Variants in NCK2 observed in about 807,000 individuals in gnomAD.
NCK2 encodes NCK adaptor protein 2.
NCK2 carries 16 observed loss-of-function variants against 33.9 expected under a neutral mutation model. The ratio of observed to expected loss-of-function variants is 0.47; its 90% CI spans 0.32 to 0.72. NCK2 has a LOEUF of 0.72. Ranked by LOEUF, NCK2 falls within the 30% of genes least tolerant of loss-of-function variation. The pLI, the probability that NCK2 is intolerant of heterozygous loss-of-function variation, is 0.03. For missense variants in NCK2, 418 were observed against 537.3 expected (o/e 0.78, Z 2.19); for synonymous variants, 273 against 239.9 (o/e 1.14, Z -1.27).
At chr2:105,821,249 C>T (rs1483610143) in intron 2 of NCK2, among the ~76,000 whole-genome samples, 1 of 152,118 alleles carries the variant, frequency 6.6e-6, no homozygotes, top group African/African-American at 2.4e-5. Flanking sequence ...TGACTTTGCC[C>T]CCAACAGGTT....
chr2:105,844,580 A>C (rs1367144257), intron 2 of NCK2, among the ~76,000 whole-genome samples: 14 of 149,874 alleles, frequency 9.3e-5, no homozygotes, highest in African/African-American at 1.5e-4. Flanking sequence ...AAAACAAAAA[A>C]AAAAAAAAAC....
At chr2:105,753,818 A>G (rs1689526187) in intron 1 of NCK2, among the ~76,000 whole-genome samples, 1 of 152,204 alleles carries the variant, frequency 6.6e-6, no homozygotes, top group Non-Finnish European at 1.5e-5. Flanking sequence ...TTGTGCTTTT[A>G]TGACATCTGG....
Position 105,806,472 on chromosome 2 carries a change from C to T in NCK2, c.-200-9958C>T, listed in dbSNP as rs554732267. Among the ~76,000 whole-genome samples, 24 of 152,258 alleles carry T rather than the reference C, an allele frequency of 1.6e-4. No individual in the cohort carries two copies. In the East Asian group the frequency reaches 3.1e-3, roughly 20 times the overall value. ...CAGGATGGTCTCGATCTCTTGACCT[C>T]GTGATCCACCCCGCGTTGGCCTCCC... On this transcript the variant is annotated intron_variant, in intron 1 of 4. Transcript: ENST00000233154.
chr2:105,861,892 C>T (rs1007437218), intron 3 of NCK2, among the ~76,000 whole-genome samples: 2 of 149,932 alleles, frequency 1.3e-5, no homozygotes, highest in Non-Finnish European at 3.0e-5. Flanking sequence ...TCAGACTGGC[C>T]TGGAATTCTT....
intron 2 of NCK2, among the ~76,000 whole-genome samples, chr2:105,827,450 G>A (rs1383240875): frequency 1.3e-5 from 2 of 152,176 alleles, no homozygotes; most frequent in Non-Finnish European, 2.9e-5. Context: ...CAACCACACA[G>A]AAAGTACACA....
At chr2:105,791,816 A>G (rs115511870) in intron 1 of NCK2, among the ~76,000 whole-genome samples, 2,857 of 152,282 alleles carry the variant, frequency 0.019, 50 homozygotes, top group Non-Finnish European at 0.022. Flanking sequence ...AGGCCACTCA[A>G]TATTTTCATA....
At chr2:105,886,830 C>T (rs1339965992) in intron 4 of NCK2, among the ~76,000 whole-genome samples, 3 of 152,160 alleles carry the variant, frequency 2.0e-5, no homozygotes, top group Non-Finnish European at 4.4e-5. Flanking sequence ...GGGAACGCTC[C>T]GTTTGCCTAG....
chr2:105,769,687 G>T (rs752158645), intron 1 of NCK2, among the ~76,000 whole-genome samples: 1 of 152,184 alleles, frequency 6.6e-6, no homozygotes, highest in East Asian at 1.9e-4. Context: ...AGGGGTCCAC[G>T]CAGCTTCCGC....
chr2:105,840,609 A>C (rs559373993), intron 2 of NCK2, among the ~76,000 whole-genome samples: 27 of 152,228 alleles, frequency 1.8e-4, no homozygotes, highest in African/African-American at 6.3e-4. Flanking sequence ...CTCCACCCCC[A>C]CTTCAGATGC....
intron 1 of NCK2, among the ~76,000 whole-genome samples, chr2:105,786,112 T>C (rs35866817): frequency 0.23 from 35,120 of 152,184 alleles, 4,203 homozygotes; most frequent in Middle Eastern, 0.34. Flanking sequence ...AATCCATTCA[T>C]CCAGCCAGCC....
At chr2:105,786,548 C>T (rs151052305) in intron 1 of NCK2, among the ~76,000 whole-genome samples, 5 of 152,322 alleles carry the variant, frequency 3.3e-5, no homozygotes, top group Non-Finnish European at 7.3e-5. Context: ...GACTCATCCA[C>T]ACCTTTAGGA....
chr2:105,757,727 C>T (rs982358133), intron 1 of NCK2, among the ~76,000 whole-genome samples: 5 of 152,198 alleles, frequency 3.3e-5, no homozygotes, highest in Non-Finnish European at 4.4e-5. Flanking sequence ...AAATAACTTT[C>T]GCCATCTCTG....
chr2:105,893,291 CTT>C lies in NCK2; in HGVS notation c.*117_*118del. 1.9e-6 allele frequency: 2 copies of C among 1,057,490 alleles called. No homozygotes were observed. Among genetic ancestry groups the C allele is most frequent in the Non-Finnish European group, 2.7e-6 (2 of 751,342 alleles). 65.5% of individuals were successfully genotyped at this position (1,057,490 alleles called of 1,614,324 possible). A position where few individuals can be genotyped will look rare whatever the true frequency, so the allele number is the denominator to read the frequency against. On this transcript the variant is annotated 3_prime_UTR_variant, in exon 5 of 5. Transcript: ENST00000233154. The stretch of plus-strand genomic sequence containing the variant: ...CCCGACGGCTTCTCTGCGAGTCTCT[CTT>C]TATGTTCAGGTCGCTTGGTCGGTTC...
chr2:105,846,610 C>T (rs368237045), intron 2 of NCK2: 4 of 151,998 alleles, frequency 2.6e-5, no homozygotes, highest in Non-Finnish European at 5.9e-5. Context: ...AAATACTGTT[C>T]AGTTAAGAAA....
Position 105,893,042 on chromosome 2 carries a change from C to G in NCK2, c.1009C>G (p.Leu337Val). The G allele has an allele frequency of 6.2e-7, 1 of 1,614,202 alleles. No individual in the cohort carries two copies. ...GAAGAACAAACACTTCAAGGTGCAG[C>G]TCGTGGACAATGTCTACTGCATTGG... ...SGKNKHFKVQLVDNVYCIGQR... is the reference protein window; with the variant it reads ...SGKNKHFKVQVVDNVYCIGQR... Residue 337 changes from leucine to valine, a missense_variant, in exon 5 of 5, where the codon CTC (leucine) becomes GTC (valine). By Grantham distance (32) the Leu-to-Val change is conservative. Coordinates refer to ENST00000233154, the MANE Select transcript of NCK2 (RefSeq NM_003581.5).
intron 1 of NCK2, among the ~76,000 whole-genome samples, chr2:105,776,510 C>T (rs892643467): frequency 6.6e-6 from 1 of 152,170 alleles, no homozygotes; most frequent in African/African-American, 2.4e-5. Flanking sequence ...AGCCTACCCA[C>T]CCGTGGAGGG....
intron 1 of NCK2, among the ~76,000 whole-genome samples, chr2:105,754,587 A>G (rs182858965): frequency 3.9e-4 from 59 of 152,250 alleles, no homozygotes; most frequent in African/African-American, 1.4e-3. Flanking sequence ...TTTAAGGACA[A>G]TCACTTTAAA....
chr2:105,893,112 A>G lies in NCK2; in HGVS notation c.1079A>G (p.Lys360Arg), dbSNP rs542899610. 12 of 1,613,726 alleles carry G rather than the reference A, an allele frequency of 7.4e-6. No individual in the cohort carries two copies. The South Asian group carries it at 8.8e-5, about 12-fold the overall frequency. Residue 360 changes from lysine (K) to arginine (R), a missense_variant, in exon 5 of 5, where the codon AAA becomes AGA. By Grantham distance (26) the Lys-to-Arg change is conservative. Transcript: ENST00000233154. Reference protein sequence around the residue: ...HTMDELVEHYKKAPIFTSEHG... With the variant: ...HTMDELVEHYRKAPIFTSEHG... ...ATGGACGAGCTGGTGGAACACTACA[A>G]AAAGGCGCCCATCTTCACCAGCGAG...
chr2:105,806,844 AACCC>A (rs1675064246), intron 1 of NCK2, among the ~76,000 whole-genome samples: 1 of 152,152 alleles, frequency 6.6e-6, no homozygotes, highest in African/African-American at 2.4e-5. Context: ...ATTAAAAAAA[AACCC>A]AACCAACCAT....
Sources: gnomAD v4.1 joint callset for allele counts (sites outside exome capture counted in the v4.1 genomes callset) on GRCh38, gnomAD v4.1.1 for gene constraint, MANE v1.5 for transcripts, NCBI Gene and HGNC (gene_info 2026-07-23, HGNC 2026-07-21) for gene names.